The following MYO16 variants were observed in gnomAD, a reference collection of about 807,000 sequenced individuals.
MYO16 encodes myosin XVI, also known as unconventional myosin-XVI.
In MYO16, 94 loss-of-function variants were observed where a neutral mutation model predicts 205.3. The ratio of observed to expected loss-of-function variants is 0.46; its 90% CI spans 0.39 to 0.54. The LOEUF (loss-of-function observed/expected upper bound fraction) is 0.54. Among genes scored for constraint, MYO16 ranks in the 20% least tolerant of loss-of-function variants. MYO16 has a pLI of 0.00. For missense variants in MYO16, 2,315 were observed against 2,387.5 expected (o/e 0.97, Z 0.63); for synonymous variants, 988 against 954.0 (o/e 1.04, Z -0.66).
At chr13:108,959,016 G>A (rs898906643) in intron 17 of MYO16, among the ~76,000 whole-genome samples, 15 of 152,192 alleles carry the variant, frequency 9.9e-5, no homozygotes, top group Non-Finnish European at 1.5e-4. Context: ...TGCCCACACC[G>A]TTATGGCTGA....
At chr13:108,605,357 A>C (rs557298003) in intron 1 of MYO16, among the ~76,000 whole-genome samples, 2 of 152,080 alleles carry the variant, frequency 1.3e-5, no homozygotes, top group Admixed American at 1.3e-4. Flanking sequence ...TCCAATGTCC[A>C]AGTATCCTGC....
intron 27 of MYO16, among the ~76,000 whole-genome samples, chr13:109,057,600 A>G (rs559236768): frequency 2.0e-5 from 3 of 152,168 alleles, no homozygotes; most frequent in East Asian, 1.9e-4. Flanking sequence ...CCCTCGGTGG[A>G]TATCCCTTCA....
At chr13:109,186,837 A>G (rs1184493577) in intron 34 of MYO16, among the ~76,000 whole-genome samples, 1 of 152,212 alleles carries the variant, frequency 6.6e-6, no homozygotes, top group Non-Finnish European at 1.5e-5. Flanking sequence ...ATCACTGAAA[A>G]TGCCTCTAAC....
At chr13:109,190,328 T>G (rs1164484652) in intron 34 of MYO16, among the ~76,000 whole-genome samples, 1 of 152,220 alleles carries the variant, frequency 6.6e-6, no homozygotes, top group Non-Finnish European at 1.5e-5. Flanking sequence ...CCACACTTTT[T>G]GCAACATAGG....
chr13:108,926,271 C>T lies in MYO16; in HGVS notation c.1925+16121C>T, dbSNP rs367690987. 3.2e-4 allele frequency among the ~76,000 whole-genome samples: 49 copies of T among 152,274 alleles called. 1 individual carries two copies. In the South Asian group the frequency reaches 8.5e-3, roughly 26 times the overall value. On this transcript the variant is annotated intron_variant, in intron 16 of 34. Transcript: ENST00000457511. ...TACCAAGGAGTCTGTTGCACAGAGT[C>T]GCAGTCTTCACTCTTTCTATCTCCG...
chr13:108,677,330 TGTGTGTATATATATATATATATATGC>T (rs1271593862), intron 2 of MYO16, among the ~76,000 whole-genome samples: 3 of 128,036 alleles, frequency 2.3e-5, no homozygotes, highest in Non-Finnish European at 4.9e-5. Context: ...TGTGTGTGTG[TGTGTGTATATATATATATATATATGC>T]ATATATATAT....
intron 15 of MYO16, among the ~76,000 whole-genome samples, chr13:108,901,639 C>T (rs1220226208): frequency 1.3e-5 from 2 of 152,186 alleles, no homozygotes; most frequent in Non-Finnish European, 2.9e-5. Context: ...TCTCCACTTT[C>T]CGTATGGCCT....
At position 109,207,883 on chromosome 13, in the gene MYO16, C is replaced by T. The variant is rs973211397; in HGVS notation, c.*1047C>T. The T allele has an allele frequency of 2.0e-5, 3 of 152,222 alleles. No individual in the cohort carries two copies. Among genetic ancestry groups the T allele is most frequent in the Admixed American group, 6.5e-5 (1 of 15,284 alleles). The allele number at this position is 152,222 out of a possible 1,614,324, so 9.4% of individuals were successfully genotyped here. A position where few individuals can be genotyped will look rare whatever the true frequency, so the allele number is the denominator to read the frequency against. On this transcript the variant is annotated 3_prime_UTR_variant, in exon 35 of 35. Coordinates refer to ENST00000457511, the MANE Select transcript of MYO16 (RefSeq NM_001198950.3). ...GCCTTGTTCATTGATGTGCTTTCGT[C>T]GGCTGTCGGAAAGTTCTGAGCAGTG...
At chr13:108,831,543 G>C (rs763416089) in intron 9 of MYO16, among the ~76,000 whole-genome samples, 2 of 151,984 alleles carry the variant, frequency 1.3e-5, no homozygotes, top group African/African-American at 2.4e-5. Context: ...ACAGAGTTTC[G>C]CTCTTGTTGC....
chr13:108,722,644 C>G (rs1884205959), intron 3 of MYO16, among the ~76,000 whole-genome samples: 2 of 152,130 alleles, frequency 1.3e-5, no homozygotes, highest in Non-Finnish European at 2.9e-5. Context: ...GAGGAGGTCA[C>G]ATCTTTATTG....
chr13:108,669,876 G>A (rs557943552), intron 2 of MYO16, among the ~76,000 whole-genome samples: 2 of 152,200 alleles, frequency 1.3e-5, no homozygotes, highest in South Asian at 2.1e-4. Context: ...TGAACAATGA[G>A]AACACACGGA....
At chr13:109,081,732 C>T (rs1214298073) in intron 27 of MYO16, among the ~76,000 whole-genome samples, 1 of 152,112 alleles carries the variant, frequency 6.6e-6, no homozygotes, top group East Asian at 1.9e-4. Flanking sequence ...GCCACCATTG[C>T]AGTGGCATAA....
At chr13:108,612,262 C>T (rs372945802) in intron 1 of MYO16, among the ~76,000 whole-genome samples, 3 of 151,632 alleles carry the variant, frequency 2.0e-5, no homozygotes, top group East Asian at 3.9e-4. Flanking sequence ...TTAGTGAATG[C>T]TTAAGGAAAG....
chr13:108,583,285 C>T, the MYO16 span, among the ~76,000 whole-genome samples: 431 of 152,152 alleles, frequency 2.8e-3, 1 homozygote, highest in Middle Eastern at 0.014. Context: ...GGAACATATC[C>T]GTAAATCATG....
At position 108,845,182 on chromosome 13, in the gene MYO16, G is replaced by A. The variant is rs144340788; in HGVS notation, c.1248+689G>A. ...TAATATTTTATAGATATTTTAGCCAGGTTTTCTAAAGATCTTCTTCTTAAA... is the reference window on the plus strand; with the variant it reads ...TAATATTTTATAGATATTTTAGCCAAGTTTTCTAAAGATCTTCTTCTTAAA... On this transcript the variant is annotated intron_variant, in intron 10 of 34. Coordinates refer to ENST00000457511, the MANE Select transcript of MYO16 (RefSeq NM_001198950.3). Among the ~76,000 whole-genome samples, 18 of 152,084 alleles carry A rather than the reference G, an allele frequency of 1.2e-4. No homozygotes were observed. In the East Asian group the frequency reaches 3.3e-3, roughly 28 times the overall value.
the MYO16 span, among the ~76,000 whole-genome samples, chr13:108,556,556 C>T: frequency 6.6e-6 from 1 of 152,086 alleles, no homozygotes. Context: ...ATATGGGTTG[C>T]TAATATATTC....
At chr13:108,663,639 T>A (rs926812713) in intron 1 of MYO16, among the ~76,000 whole-genome samples, 1 of 152,176 alleles carries the variant, frequency 6.6e-6, no homozygotes, top group Non-Finnish European at 1.5e-5. Flanking sequence ...CTTGACAGCC[T>A]GTGAGGGAAA....
chr13:108,627,944 C>T (rs1459150676), upstream of MYO16, among the ~76,000 whole-genome samples: 1 of 152,120 alleles, frequency 6.6e-6, no homozygotes, highest in Non-Finnish European at 1.5e-5. Flanking sequence ...GGGGTAGGGA[C>T]ATCTACATGG....
At chr13:108,637,471 C>T (rs554606352) in intron 1 of MYO16, among the ~76,000 whole-genome samples, 1 of 152,218 alleles carries the variant, frequency 6.6e-6, no homozygotes, top group Admixed American at 6.5e-5. Context: ...ATTTTAGTTT[C>T]CTTTTATTTT....
Sources: allele counts gnomAD v4.1 joint callset (sites outside exome capture counted in the v4.1 genomes callset), GRCh38; gene constraint gnomAD v4.1.1; transcripts MANE v1.5; gene names NCBI Gene and HGNC (gene_info 2026-07-23, HGNC 2026-07-21).